Variants in ATRIP observed in about 807,000 individuals in gnomAD.
ATRIP encodes the protein ATR-interacting protein.
A neutral mutation model predicts 78.1 loss-of-function variants in ATRIP; 44 were observed. The observed-to-expected ratio is 0.56, with a 90% CI of 0.44 to 0.72. The LOEUF (loss-of-function observed/expected upper bound fraction) is 0.72, where lower values mean the gene tolerates loss of function less well. Among genes scored for constraint, ATRIP ranks in the 30% least tolerant of loss-of-function variants. The probability of loss-of-function intolerance (pLI) is 0.00; values close to 1 mark genes in which losing one functional copy is unlikely to be tolerated. For synonymous variants in ATRIP, 388 were observed against 408.9 expected, an observed-to-expected ratio of 0.95 and a Z score of 0.62; for missense variants, 927 against 980.2, an observed-to-expected ratio of 0.95 and a Z score of 0.72.
At chr3:48,461,886 A>T (rs553109843) in intron 8 of ATRIP, among the ~76,000 whole-genome samples, 14 of 152,214 alleles carry the variant, frequency 9.2e-5, no homozygotes, top group African/African-American at 3.1e-4. Flanking sequence ...TTATATTTTT[A>T]GTAGAGACAG....
chr3:48,466,601 TCA>T lies in ATRIP; in HGVS notation c.*1053_*1054del. On this transcript the variant is annotated 3_prime_UTR_variant, in exon 13 of 13. Transcript: ENST00000320211. ...CCCTTCGGATCTTAACACTGGGCAC[TCA>T]CACACCCACCCCATGCTCCTCTCCA... 3 of 1,611,502 alleles carry T rather than the reference TCA, an allele frequency of 1.9e-6. No homozygotes were observed. The highest frequency in any genetic ancestry group is 2.5e-6 in the Non-Finnish European group (3 of 1,178,736).
chr3:48,460,157 G>C lies in ATRIP; in HGVS notation c.1103G>C (p.Gly368Ala), dbSNP rs2040061165. 8 of 1,613,790 alleles carry C rather than the reference G, an allele frequency of 5.0e-6. No individual in the cohort carries two copies. The highest frequency in any genetic ancestry group is 6.8e-6 in the Non-Finnish European group (8 of 1,179,980). Residue 368 changes from glycine to alanine, a missense_variant, in exon 8 of 13, where the codon GGG becomes GCG. Transcript: ENST00000320211. ...CTCAGGACCACAGGTTCTTATGATGGGTCATTTTCCCTCTCAGCCCTGAGA... is the reference window on the plus strand; with the variant it reads ...CTCAGGACCACAGGTTCTTATGATGCGTCATTTTCCCTCTCAGCCCTGAGA... Reference protein sequence around the residue: ...SGLRTTGSYDGSFSLSALREA... With the variant: ...SGLRTTGSYDASFSLSALREA...
At chr3:48,449,328 C>T (rs1254867971) in intron 1 of ATRIP, among the ~76,000 whole-genome samples, 3 of 147,490 alleles carry the variant, frequency 2.0e-5, no homozygotes, top group Admixed American at 1.4e-4. Context: ...GCACAAGAAT[C>T]GCTTGAACCT....
At chr3:48,447,862 C>A (rs887571875) in intron 1 of ATRIP, among the ~76,000 whole-genome samples, 22 of 152,176 alleles carry the variant, frequency 1.4e-4, no homozygotes, top group Admixed American at 7.2e-4. Context: ...GTAACTAGCA[C>A]GACTCTCCAT....
chr3:48,464,377 AG>A (rs1452925671), intron 10 of ATRIP, among the ~76,000 whole-genome samples: 2 of 152,142 alleles, frequency 1.3e-5, no homozygotes, highest in African/African-American at 4.8e-5. Flanking sequence ...GGGGCAGAAT[AG>A]GGGGCTGGAG....
intron 2 of ATRIP, 128 bp downstream of exon 2, chr3:48,450,298 C>G: frequency 7.9e-7 from 1 of 1,266,472 alleles, no homozygotes; most frequent in Non-Finnish European, 1.1e-6. Context: ...TGGGAAAAGA[C>G]TAGGGAAAGA....
At chr3:48,464,248 G>A in intron 10 of ATRIP, 116 bp downstream of exon 10, 4 of 984,200 alleles carry the variant, frequency 4.1e-6, no homozygotes, top group South Asian at 1.4e-5. Context: ...AGTAACAAGA[G>A]TTGATAAAGC....
chr3:48,466,241 C>T lies in ATRIP; in HGVS notation c.*687C>T, dbSNP rs2040287527. On this transcript the variant is annotated 3_prime_UTR_variant, in exon 13 of 13. Transcript: ENST00000320211. ...CCACGCCAAGTTTCACTTCCCGCCA[C>T]TGCTGCCAGCGAGAGCCGCGGGAGA... 3.3e-6 allele frequency: 2 copies of T among 601,748 alleles called. No homozygotes were observed. Among genetic ancestry groups the T allele is most frequent in the Non-Finnish European group, 5.9e-6 (2 of 337,234 alleles). The allele number at this position is 601,748 out of a possible 1,614,324, so 37.3% of individuals were successfully genotyped here. A position where few individuals can be genotyped will look rare whatever the true frequency, so the allele number is the denominator to read the frequency against.
intron 1 of ATRIP, among the ~76,000 whole-genome samples, chr3:48,449,413 C>CGA (rs2039771790): frequency 1.7e-5 from 1 of 60,112 alleles, no homozygotes; most frequent in Admixed American, 2.5e-4. Flanking sequence ...GACTCTGTCT[C>CGA]AAAAAAAAAA....
intron 4 of ATRIP, among the ~76,000 whole-genome samples, chr3:48,455,404 C>T (rs1302579522): frequency 6.6e-6 from 1 of 152,132 alleles, no homozygotes; most frequent in Non-Finnish European, 1.5e-5. Context: ...CTAAGTTGCT[C>T]AGTTTTCAAC....
chr3:48,449,413 C>CAAAAAAAAAAAAAAAAAAA (rs1297709851), intron 1 of ATRIP, among the ~76,000 whole-genome samples: 1 of 60,112 alleles, frequency 1.7e-5, no homozygotes, highest in African/African-American at 8.3e-5. Flanking sequence ...GACTCTGTCT[C>CAAAAAAAAAAAAAAAAAAA]AAAAAAAAAA....
At chr3:48,450,501 G>C (rs1413757461) in intron 2 of ATRIP, 1 of 1,292,136 alleles carries the variant, frequency 7.7e-7, no homozygotes, top group East Asian at 5.4e-5. Flanking sequence ...AGCTTTGCAA[G>C]AAAGCAGACA....
At chr3:48,464,184 C>T (rs563816899) in intron 10 of ATRIP, 52 bp downstream of exon 10, 1 of 1,421,246 alleles carries the variant, frequency 7.0e-7, no homozygotes, top group South Asian at 1.2e-5. Context: ...ATCCTAAGAA[C>T]CAACAGAATC....
chr3:48,458,013 A>G (rs1277019590), intron 5 of ATRIP, among the ~76,000 whole-genome samples: 2 of 150,826 alleles, frequency 1.3e-5, no homozygotes, highest in African/African-American at 4.9e-5. Flanking sequence ...TCCTAATGCT[A>G]TCCCTCCCCC....
rs2040294985 is a variant in ATRIP at position 48,466,343 on chromosome 3, G to T, written c.*789G>T. 1.9e-6 allele frequency: 2 copies of T among 1,057,770 alleles called. No homozygotes were observed. The highest frequency in any genetic ancestry group is 4.0e-5 in the Admixed American group (2 of 50,316). The allele number at this position is 1,057,770 out of a possible 1,614,324, so 65.5% of individuals were successfully genotyped here. A position where few individuals can be genotyped will look rare whatever the true frequency, so the allele number is the denominator to read the frequency against. ...GGCCCCCACAATGGGATGGCGCAGG[G>T]CAGGAGGGCCATGGGTTCCCCCACC... is the stretch of plus-strand genomic sequence containing the variant. On this transcript the variant is annotated 3_prime_UTR_variant, in exon 13 of 13. Coordinates refer to ENST00000320211, the MANE Select transcript of ATRIP (RefSeq NM_130384.3).
intron 8 of ATRIP, among the ~76,000 whole-genome samples, chr3:48,462,963 C>A (rs2107234037): frequency 6.6e-6 from 1 of 152,288 alleles, no homozygotes; most frequent in East Asian, 1.9e-4. Flanking sequence ...ATAGTGAGAC[C>A]TTGCTTCCTA....
intron 4 of ATRIP, among the ~76,000 whole-genome samples, chr3:48,456,587 G>T (rs922354361): frequency 6.9e-6 from 1 of 144,582 alleles, no homozygotes; most frequent in African/African-American, 2.6e-5. Context: ...AACAGAGTGA[G>T]ACCCTGTCTC....
intron 4 of ATRIP, 29 bp from the exon 5 acceptor site, chr3:48,457,230 A>G (rs1158801789): frequency 1.3e-6 from 2 of 1,515,418 alleles, no homozygotes; most frequent in Non-Finnish European, 1.8e-6. Context: ...TAGAATCATT[A>G]CTTTGCTTTC....
intron 2 of ATRIP, chr3:48,450,594 T>G (rs1214015695): frequency 5.0e-6 from 6 of 1,192,230 alleles, no homozygotes; most frequent in Non-Finnish European, 6.5e-6. Context: ...CCCAGATTTT[T>G]TTTTTTTTTT....
Sources: allele counts gnomAD v4.1 joint callset (sites outside exome capture counted in the v4.1 genomes callset), GRCh38; gene constraint gnomAD v4.1.1; transcripts MANE v1.5; gene names NCBI Gene and HGNC (gene_info 2026-07-23, HGNC 2026-07-21).